RAB6B: variants seen among roughly 807,000 people sequenced by gnomAD.
RAB6B encodes the protein RAB6B, member RAS oncogene family.
Under a neutral mutation model 31.2 loss-of-function variants are expected in RAB6B, and 7 were observed. The ratio of observed to expected loss-of-function variants is 0.22; its 90% CI spans 0.13 to 0.42. The LOEUF is 0.42. RAB6B is among the 10% of genes least tolerant of loss of function. The pLI is 1.00. For missense variants in RAB6B, 149 were observed against 280.6 expected (o/e 0.53, Z 3.35); for synonymous variants, 105 against 104.9 (o/e 1.00, Z -0.01).
intron 2 of RAB6B, among the ~76,000 whole-genome samples, chr3:133,852,614 G>A (rs1313948558): frequency 6.6e-6 from 1 of 151,926 alleles, no homozygotes; most frequent in South Asian, 2.1e-4. Flanking sequence ...GGAACTACAG[G>A]AGTGTGCCAC....
At position 133,827,034 on chromosome 3, in the gene RAB6B, C is replaced by A. The variant is rs373057917; in HGVS notation, c.*1754G>T. 1.3e-5 allele frequency: 2 copies of A among 152,796 alleles called. No individual in the cohort carries two copies. Among genetic ancestry groups the A allele is most frequent in the East Asian group, 1.9e-4 (1 of 5,192 alleles). 9.5% of individuals were successfully genotyped at this position (152,796 alleles called of 1,614,324 possible). On this transcript the variant is annotated 3_prime_UTR_variant, in exon 8 of 8. Coordinates refer to ENST00000285208, the MANE Select transcript of RAB6B (RefSeq NM_016577.4). ...TTCTGCAAGAGGTGCTCAGTGGGAT[C>A]CTGCTTCCTCTCTTCTTCACCTGAA...
chr3:133,838,333 C>G, intron 5 of RAB6B, 74 bp from the exon 6 acceptor site: 1 of 1,380,642 alleles, frequency 7.2e-7, no homozygotes, highest in Non-Finnish European at 1.0e-6. Context: ...AGGGACCCAC[C>G]CAGCAGGGCA....
At chr3:133,876,116 T>C (rs1332878621) in intron 1 of RAB6B, among the ~76,000 whole-genome samples, 1 of 152,226 alleles carries the variant, frequency 6.6e-6, no homozygotes, top group African/African-American at 2.4e-5. Context: ...TTCTCCCCAG[T>C]GTAGGAGCCT....
Position 133,828,815 on chromosome 3 carries a change from C to T in RAB6B, c.600G>A (p.Pro200=), listed in dbSNP as rs369390537. ...DIKLDKPQEP[P]ASEGGCSC ...AGCAGGAGCAGCCGCCCTCGCTGGC[C>T]GGGGGCTCCTGGGGTTTGTCCAGCT... The change falls in exon 8 of 8, where the codon CCG becomes CCA. Residue 200 remains proline (P), a synonymous_variant. Transcript: ENST00000285208. 7.4e-6 allele frequency: 12 copies of T among 1,612,966 alleles called. No individual in the cohort carries two copies. Among genetic ancestry groups the T allele is most frequent in the South Asian group, 3.3e-5 (3 of 91,040 alleles).
chr3:133,871,148 C>T (rs1336900073), intron 1 of RAB6B, among the ~76,000 whole-genome samples: 1 of 152,248 alleles, frequency 6.6e-6, no homozygotes, highest in African/African-American at 2.4e-5. Flanking sequence ...CACTGTGTGC[C>T]AGTCCTGTTG....
intron 2 of RAB6B, among the ~76,000 whole-genome samples, chr3:133,847,054 C>T (rs1935916709): frequency 6.6e-6 from 1 of 152,232 alleles, no homozygotes; most frequent in Non-Finnish European, 1.5e-5. Context: ...TATAAAAACA[C>T]GCTACTTGTC....
intron 2 of RAB6B, among the ~76,000 whole-genome samples, chr3:133,843,390 GC>G (rs1449354156): frequency 6.6e-6 from 1 of 152,210 alleles, no homozygotes; most frequent in Non-Finnish European, 1.5e-5. Context: ...AATGACCAGT[GC>G]TTGTGGATGC....
chr3:133,863,291 A>C (rs1425054189), intron 2 of RAB6B, among the ~76,000 whole-genome samples: 5 of 152,218 alleles, frequency 3.3e-5, no homozygotes, highest in Non-Finnish European at 5.9e-5. Flanking sequence ...ACAGCAAAGA[A>C]AGAGTAAAAA....
chr3:133,888,047 A>G (rs907304588), intron 1 of RAB6B, among the ~76,000 whole-genome samples: 10 of 152,314 alleles, frequency 6.6e-5, no homozygotes, highest in Middle Eastern at 3.4e-3. Flanking sequence ...AGCTTGGCAC[A>G]AACACTCCCC....
At position 133,824,429 on chromosome 3, in the gene RAB6B, G is replaced by A. The variant is rs1200723435; in HGVS notation, c.*4359C>T. The stretch of plus-strand genomic sequence containing the variant: ...TGAGGGGAAAGTGAGGGGAGAAGTG[G>A]ACACACACCGCGAGATGCAGGCTGG... On this transcript the variant is annotated 3_prime_UTR_variant, in exon 8 of 8. Coordinates refer to ENST00000285208, the MANE Select transcript of RAB6B (RefSeq NM_016577.4). 1.3e-5 allele frequency: 2 copies of A among 152,188 alleles called. No homozygotes were observed. The highest frequency in any genetic ancestry group is 3.9e-4 in the East Asian group (2 of 5,188). The allele number at this position is 152,188 out of a possible 1,614,324, so 9.4% of individuals were successfully genotyped here.
intron 6 of RAB6B, among the ~76,000 whole-genome samples, chr3:133,837,105 C>T (rs1935747832): frequency 6.6e-6 from 1 of 152,042 alleles, no homozygotes; most frequent in South Asian, 2.1e-4. Context: ...TGCAGCCACA[C>T]CTTTGCTGCT....
At chr3:133,830,490 C>G (rs1468609349) in intron 7 of RAB6B, among the ~76,000 whole-genome samples, 1 of 152,228 alleles carries the variant, frequency 6.6e-6, no homozygotes, top group Admixed American at 6.5e-5. Flanking sequence ...CCTATGCTTT[C>G]CTTCTTTCCT....
intron 4 of RAB6B, among the ~76,000 whole-genome samples, 191 bp downstream of exon 4, chr3:133,841,094 G>A (rs1009534699): frequency 2.0e-5 from 3 of 152,120 alleles, no homozygotes; most frequent in African/African-American, 7.2e-5. Context: ...GGGGAGCAGT[G>A]GAAACCATGT....
chr3:133,848,647 A>G (rs1935937114), intron 2 of RAB6B, among the ~76,000 whole-genome samples: 1 of 152,252 alleles, frequency 6.6e-6, no homozygotes, highest in East Asian at 1.9e-4. Flanking sequence ...CAACAGAGAG[A>G]AAAAGGGGCC....
At position 133,828,681 on chromosome 3, in the gene RAB6B, A is replaced by C; in HGVS notation, c.*107T>G. 3 of 1,160,402 alleles carry C rather than the reference A, an allele frequency of 2.6e-6. No homozygotes were observed. In the Admixed American group the frequency reaches 5.1e-5, roughly 20 times the overall value. 71.9% of individuals were successfully genotyped at this position (1,160,402 alleles called of 1,614,324 possible). A position where few individuals can be genotyped will look rare whatever the true frequency, so the allele number is the denominator to read the frequency against. Reference sequence around the variant, plus strand: ...TCCTAAAGACAGAGAGAAAAGAAAAATCCTCCCATCTTGATAACTCGGTTC... The same window carrying C: ...TCCTAAAGACAGAGAGAAAAGAAAACTCCTCCCATCTTGATAACTCGGTTC... On this transcript the variant is annotated 3_prime_UTR_variant, in exon 8 of 8. Coordinates refer to ENST00000285208, the MANE Select transcript of RAB6B (RefSeq NM_016577.4).
intron 1 of RAB6B, among the ~76,000 whole-genome samples, chr3:133,881,064 T>A (rs184577415): frequency 6.6e-6 from 1 of 152,076 alleles, no homozygotes; most frequent in Non-Finnish European, 1.5e-5. Flanking sequence ...GGCATTAGGG[T>A]CAACAAAGGG....
At chr3:133,869,630 C>T (rs1442733017) in intron 1 of RAB6B, among the ~76,000 whole-genome samples, 1 of 152,212 alleles carries the variant, frequency 6.6e-6, no homozygotes, top group Non-Finnish European at 1.5e-5. Flanking sequence ...TGAATCTGGG[C>T]AGGCCTGTGA....
At chr3:133,874,778 TTATTC>T (rs1197757684) in intron 1 of RAB6B, among the ~76,000 whole-genome samples, 3 of 151,796 alleles carry the variant, frequency 2.0e-5, no homozygotes, top group Non-Finnish European at 2.9e-5. Flanking sequence ...CTTTATATCT[TTATTC>T]TATATGTTGT....
chr3:133,866,725 C>T (rs1936241895), intron 1 of RAB6B, among the ~76,000 whole-genome samples: 1 of 152,256 alleles, frequency 6.6e-6, no homozygotes, highest in African/African-American at 2.4e-5. Flanking sequence ...AGGCCCCAGG[C>T]ACCTGGCTGA....
Sources: gnomAD v4.1 joint callset for allele counts (sites outside exome capture counted in the v4.1 genomes callset) on GRCh38, gnomAD v4.1.1 for gene constraint, MANE v1.5 for transcripts, NCBI Gene and HGNC (gene_info 2026-07-23, HGNC 2026-07-21) for gene names.